Variants in CSTPP1 observed in about 807,000 individuals in gnomAD.
CSTPP1 encodes the protein centriolar satellite-associated tubulin polyglutamylase complex regulator 1, also known as UPF0705 protein C11orf49.
At chr11:46,951,176 T>C in the CSTPP1 span, among the ~76,000 whole-genome samples, 2 of 152,186 alleles carry the variant, frequency 1.3e-5, no homozygotes. Flanking sequence ...TTAGCCACTT[T>C]CTTTCAGGTT....
chr11:47,003,048 A>G, the CSTPP1 span, among the ~76,000 whole-genome samples: 6 of 152,168 alleles, frequency 3.9e-5, no homozygotes, highest in East Asian at 1.2e-3. Flanking sequence ...ATAGGCTCAC[A>G]CCTATAATCC....
At chr11:47,008,315 A>G in the CSTPP1 span, among the ~76,000 whole-genome samples, 4 of 152,100 alleles carry the variant, frequency 2.6e-5, no homozygotes, top group African/African-American at 9.7e-5. Flanking sequence ...AAACTCAGGA[A>G]CTTAACATTA....
the CSTPP1 span, chr11:47,155,086 G>A: frequency 1.5e-5 from 15 of 1,009,160 alleles, no homozygotes; most frequent in East Asian, 7.2e-5. Context: ...CCTCTCCCCC[G>A]CACTTTTCCC....
the CSTPP1 span, among the ~76,000 whole-genome samples, chr11:46,943,034 C>T: frequency 6.6e-6 from 1 of 152,152 alleles, no homozygotes; most frequent in African/African-American, 2.4e-5. Context: ...TTGTGTTTTA[C>T]TCATCATTGT....
the CSTPP1 span, among the ~76,000 whole-genome samples, chr11:47,116,675 GTTTT>G: frequency 3.6e-5 from 3 of 83,908 alleles, no homozygotes; most frequent in Non-Finnish European, 6.3e-5. Context: ...TGCTTGGTAG[GTTTT>G]TTTTTTTTTT....
At chr11:46,942,610 T>C in the CSTPP1 span, among the ~76,000 whole-genome samples, 1 of 152,298 alleles carries the variant, frequency 6.6e-6, no homozygotes, top group Middle Eastern at 3.4e-3. Flanking sequence ...CTTTGGGGAC[T>C]AGACATTTAG....
the CSTPP1 span, among the ~76,000 whole-genome samples, chr11:47,080,325 C>T: frequency 1.3e-5 from 2 of 151,898 alleles, no homozygotes; most frequent in East Asian, 1.9e-4. Context: ...GGTGGTGGCA[C>T]GCGCCTATAG....
the CSTPP1 span, among the ~76,000 whole-genome samples, chr11:47,007,833 G>A: frequency 2.6e-5 from 4 of 152,042 alleles, no homozygotes; most frequent in Non-Finnish European, 5.9e-5. Flanking sequence ...ATCCCATGAG[G>A]GTTTGAAAGG....
chr11:46,943,210 T>TA, the CSTPP1 span, among the ~76,000 whole-genome samples: 418 of 152,358 alleles, frequency 2.7e-3, 3 homozygotes, highest in Non-Finnish European at 4.0e-3. Flanking sequence ...ATTAAGAACT[T>TA]ACTCTGTACC....
the CSTPP1 span, among the ~76,000 whole-genome samples, chr11:47,086,011 A>G: frequency 6.6e-6 from 1 of 151,942 alleles, no homozygotes; most frequent in South Asian, 2.1e-4. Context: ...AGAAGATTAG[A>G]GTCAAGGAAC....
At chr11:47,102,640 T>G in the CSTPP1 span, among the ~76,000 whole-genome samples, 1 of 152,208 alleles carries the variant, frequency 6.6e-6, no homozygotes, top group African/African-American at 2.4e-5. Flanking sequence ...ACTGAGAAAC[T>G]TTTCTCAAGT....
the CSTPP1 span, among the ~76,000 whole-genome samples, chr11:46,946,566 G>A: frequency 2.6e-5 from 4 of 152,230 alleles, no homozygotes; most frequent in Non-Finnish European, 4.4e-5. Context: ...GCTGAGGCAG[G>A]AGAATGGTGT....
At chr11:47,037,009 T>C in the CSTPP1 span, among the ~76,000 whole-genome samples, 1 of 126,804 alleles carries the variant, frequency 7.9e-6, no homozygotes, top group Non-Finnish European at 1.9e-5. Flanking sequence ...ACTGGGCTTC[T>C]TGGATAAATG....
the CSTPP1 span, among the ~76,000 whole-genome samples, chr11:47,074,760 G>A: frequency 3.6e-3 from 544 of 152,258 alleles, 1 homozygote; most frequent in Middle Eastern, 6.8e-3. Flanking sequence ...AGTACAAAAT[G>A]TCAGCCATAA....
At chr11:47,097,630 TG>T in the CSTPP1 span, among the ~76,000 whole-genome samples, 1 of 61,788 alleles carries the variant, frequency 1.6e-5, no homozygotes, top group African/African-American at 6.5e-5. Context: ...GGGAGGGAGG[TG>T]GGGGGGTCGG....
At chr11:47,016,093 G>A in the CSTPP1 span, among the ~76,000 whole-genome samples, 2 of 151,954 alleles carry the variant, frequency 1.3e-5, no homozygotes, top group Non-Finnish European at 1.5e-5. Context: ...CTCCAGCCTG[G>A]GCAATAGAGC....
the CSTPP1 span, among the ~76,000 whole-genome samples, chr11:46,979,256 A>G: frequency 1.3e-5 from 2 of 152,186 alleles, no homozygotes; most frequent in Non-Finnish European, 1.5e-5. Flanking sequence ...CTGCAAGACT[A>G]CAACTCGTGC....
chr11:46,976,611 A>C, the CSTPP1 span, among the ~76,000 whole-genome samples: 15 of 152,174 alleles, frequency 9.9e-5, no homozygotes, highest in Non-Finnish European at 1.6e-4. Flanking sequence ...ATTAGAGACA[A>C]TGTAAGTTGA....
chr11:47,164,180 G>C, the CSTPP1 span: 1 of 1,613,896 alleles, frequency 6.2e-7, no homozygotes, highest in African/African-American at 1.3e-5. Flanking sequence ...GAGAGAAGCA[G>C]GAGGCCCTGG....
Sources: gnomAD v4.1 joint callset for allele counts (sites outside exome capture counted in the v4.1 genomes callset) on GRCh38, gnomAD v4.1.1 for gene constraint, MANE v1.5 for transcripts, NCBI Gene and HGNC (gene_info 2026-07-23, HGNC 2026-07-21) for gene names.